LMBRD1: variants seen among roughly 807,000 people sequenced by gnomAD.
LMBRD1 encodes the protein LMBR1 domain containing 1.
A neutral mutation model predicts 74.8 loss-of-function variants in LMBRD1; 64 were observed. That is an observed-to-expected ratio of 0.86 (90% CI 0.70 to 1.05). LMBRD1 has a LOEUF of 1.05. Ranked by LOEUF, LMBRD1 falls within the 50% of genes least tolerant of loss-of-function variation. The pLI is 0.00. For missense variants in LMBRD1, 652 were observed against 645.9 expected (o/e 1.01, Z -0.10); for synonymous variants, 204 against 216.3 (o/e 0.94, Z 0.50).
chr6:69,712,439 TG>T (rs1419409968), intron 9 of LMBRD1, among the ~76,000 whole-genome samples: 7 of 101,442 alleles, frequency 6.9e-5, no homozygotes, highest in Non-Finnish European at 1.4e-4. Context: ...AGAGTTCCTA[TG>T]TTTTTTTTTT....
intron 3 of LMBRD1, among the ~76,000 whole-genome samples, chr6:69,765,105 A>T (rs910706613): frequency 5.3e-5 from 8 of 151,546 alleles, no homozygotes; most frequent in African/African-American, 1.9e-4. Context: ...TAATTTTTGT[A>T]TTTTTAGTAG....
chr6:69,682,171 T>C (rs999524205), intron 14 of LMBRD1, among the ~76,000 whole-genome samples: 1 of 151,868 alleles, frequency 6.6e-6, no homozygotes, highest in Non-Finnish European at 1.5e-5. Flanking sequence ...AAACCAAAGT[T>C]GTATATTTAT....
chr6:69,706,173 C>T lies in LMBRD1; in HGVS notation c.916-4220G>A, dbSNP rs1315616476. Reference sequence around the variant, plus strand: ...TCAAATCTTCCATCAGGTGGCAGCACACACTTAGGTGGGAGAGAAGGCAGA... The same window carrying T: ...TCAAATCTTCCATCAGGTGGCAGCATACACTTAGGTGGGAGAGAAGGCAGA... On this transcript the variant is annotated intron_variant, in intron 9 of 15. Transcript: ENST00000649934. The T allele has an allele frequency of 1.0e-5, 5 of 490,902 alleles. No homozygotes were observed. The East Asian group carries it at 1.7e-4, about 17-fold the overall frequency. 30.4% of individuals were successfully genotyped at this position (490,902 alleles called of 1,614,324 possible). A position where few individuals can be genotyped will look rare whatever the true frequency, so the allele number is the denominator to read the frequency against.
At chr6:69,714,407 C>T (rs3799112) in intron 8 of LMBRD1, among the ~76,000 whole-genome samples, 73,001 of 151,824 alleles carry the variant, frequency 0.48, 18,230 homozygotes, top group African/African-American at 0.61. Context: ...TATTTTTACG[C>T]GACACTTTCT....
At chr6:69,781,931 C>A (rs955876724) in intron 2 of LMBRD1, among the ~76,000 whole-genome samples, 2 of 151,992 alleles carry the variant, frequency 1.3e-5, no homozygotes, top group Non-Finnish European at 2.9e-5. Context: ...CAAGCTAGGG[C>A]CAGAAATAAA....
intron 5 of LMBRD1, among the ~76,000 whole-genome samples, chr6:69,747,496 TTTTA>T (rs558922992): frequency 1.3e-5 from 2 of 152,346 alleles, no homozygotes; most frequent in East Asian, 3.9e-4. Flanking sequence ...TACTCATCTT[TTTTA>T]TTTGTCAAGT....
rs757911515 is a variant in LMBRD1 at position 69,697,632 on chromosome 6, TTA to T, written c.1346_1347del (p.Ile449AsnfsTer3). Reference protein sequence around the residue: ...GSQNYLIETNITSDNHKGNST... With the variant: ...GSQNYLIETNXTSDNHKGNST... ...GAATTGCCTTTATGATTATCAGAAG[TTA>T]TATTAGTCTGAAAGATAAAAATACA... On this transcript the variant is annotated frameshift_variant, in exon 14 of 16. Coordinates refer to ENST00000649934, the MANE Select transcript of LMBRD1 (RefSeq NM_018368.4). LOFTEE classifies it high-confidence loss of function. The T allele has an allele frequency of 6.3e-7, 1 of 1,575,360 alleles. No individual in the cohort carries two copies. Among genetic ancestry groups the T allele is most frequent in the African/African-American group, 1.3e-5 (1 of 74,184 alleles).
chr6:69,751,607 C>T (rs186235819), intron 4 of LMBRD1, among the ~76,000 whole-genome samples: 22 of 152,276 alleles, frequency 1.4e-4, no homozygotes, highest in Admixed American at 1.3e-3. Context: ...GGATTACAGG[C>T]GTGAGCCACA....
chr6:69,733,794 A>AT (rs917358542), intron 7 of LMBRD1, among the ~76,000 whole-genome samples: 1 of 152,236 alleles, frequency 6.6e-6, no homozygotes, highest in Non-Finnish European at 1.5e-5. Flanking sequence ...TTACCTTTGA[A>AT]TAAGAAACAT....
chr6:69,719,300 G>A (rs1766564058), intron 7 of LMBRD1, among the ~76,000 whole-genome samples: 1 of 151,776 alleles, frequency 6.6e-6, no homozygotes, highest in Non-Finnish European at 1.5e-5. Context: ...ATTCCTCAAA[G>A]GTTAAGTTGC....
chr6:69,780,895 T>C (rs1460991500), intron 2 of LMBRD1, among the ~76,000 whole-genome samples: 2 of 152,050 alleles, frequency 1.3e-5, no homozygotes, highest in Non-Finnish European at 2.9e-5. Context: ...GTAAAGAACA[T>C]ACACAGAACG....
At chr6:69,793,450 C>A (rs1766135659) in intron 1 of LMBRD1, among the ~76,000 whole-genome samples, 1 of 152,126 alleles carries the variant, frequency 6.6e-6, no homozygotes, top group African/African-American at 2.4e-5. Flanking sequence ...CCAGATGATG[C>A]CCACACTTTA....
chr6:69,712,101 C>T (rs1276993142), intron 9 of LMBRD1, among the ~76,000 whole-genome samples: 1 of 152,112 alleles, frequency 6.6e-6, no homozygotes, highest in Non-Finnish European at 1.5e-5. Context: ...TTCTGCCTAA[C>T]TTCAAGTTAG....
In LMBRD1 at chr6:69,701,509, A is replaced by C. The variant is rs558926049; in HGVS notation, c.1017T>G (p.Ser339=). 5 of 1,608,092 alleles carry C rather than the reference A, an allele frequency of 3.1e-6. No homozygotes were observed. In the South Asian group the frequency reaches 5.5e-5, roughly 18 times the overall value. ...DKALHSAGID[S]GFIIFGANLS... ...GGTTAGCTCCAAAAATTATGAAACC[A>C]GAATCTATTCCAGCTGAATGAAGAG... The change falls in exon 11 of 16, where the codon TCT becomes TCG. Residue 339 remains serine, a synonymous_variant. Transcript: ENST00000649934.
At chr6:69,695,027 T>C (rs1400766462) in intron 14 of LMBRD1, among the ~76,000 whole-genome samples, 2 of 152,154 alleles carry the variant, frequency 1.3e-5, no homozygotes, top group African/African-American at 2.4e-5. Context: ...TACCCTCAGA[T>C]GTAACTTGTT....
chr6:69,721,550 C>T (rs1766614935), intron 7 of LMBRD1, among the ~76,000 whole-genome samples: 1 of 152,120 alleles, frequency 6.6e-6, no homozygotes, highest in South Asian at 2.1e-4. Context: ...AGCCCCTGGT[C>T]CCTCAATAAC....
chr6:69,705,901 A>C, intron 9 of LMBRD1: 1 of 1,316,168 alleles, frequency 7.6e-7, no homozygotes. Context: ...CCTAAGGAAA[A>C]TTGTTGGCTG....
At chr6:69,713,427 A>G (rs554201385) in intron 9 of LMBRD1, among the ~76,000 whole-genome samples, 2 of 152,226 alleles carry the variant, frequency 1.3e-5, no homozygotes, top group Admixed American at 1.3e-4. Flanking sequence ...CTATATTTTT[A>G]TTTTAATTTC....
chr6:69,701,438 C>T lies in LMBRD1; in HGVS notation c.1083+5G>A. ...ACAGTATAAAATGATTGATATTTTACTTACTGTTTGTAGTAAAGGCAAAAG... is the reference window on the plus strand; with the variant it reads ...ACAGTATAAAATGATTGATATTTTATTTACTGTTTGTAGTAAAGGCAAAAG... On this transcript the variant is annotated splice_donor_5th_base_variant and intron_variant, in intron 11 of 15. Transcript: ENST00000649934. 1 of 1,507,914 alleles carries T rather than the reference C, an allele frequency of 6.6e-7. No individual in the cohort carries two copies. The highest frequency in any genetic ancestry group is 9.2e-7 in the Non-Finnish European group (1 of 1,085,636). 93.4% of individuals were successfully genotyped at this position (1,507,914 alleles called of 1,614,324 possible). A position where few individuals can be genotyped will look rare whatever the true frequency, so the allele number is the denominator to read the frequency against.
Sources: gnomAD v4.1 joint callset for allele counts (sites outside exome capture counted in the v4.1 genomes callset) on GRCh38, gnomAD v4.1.1 for gene constraint, MANE v1.5 for transcripts, NCBI Gene and HGNC (gene_info 2026-07-23, HGNC 2026-07-21) for gene names.